ZNF69: variants seen among roughly 807,000 people sequenced by gnomAD.
The protein encoded by ZNF69 is zinc finger protein 69, also known as ZNF3.
A neutral mutation model predicts 50.9 loss-of-function variants in ZNF69; 47 were observed. The ratio of observed to expected loss-of-function variants is 0.92; its 90% CI spans 0.73 to 1.18. ZNF69 has a LOEUF of 1.18. Ranked by LOEUF, ZNF69 falls within the 50% of genes most tolerant of loss-of-function variation. The pLI is 0.00. For synonymous variants in ZNF69, 216 were observed against 223.1 expected (o/e 0.97, Z 0.29); for missense variants, 717 against 675.1 (o/e 1.06, Z -0.69).
At chr19:11,938,926 T>C in the ZNF69 span, among the ~76,000 whole-genome samples, 19 of 152,172 alleles carry the variant, frequency 1.2e-4, no homozygotes, top group Non-Finnish European at 2.4e-4. Context: ...TTCTAACTGG[T>C]GTGAGATGGT....
At position 11,887,864 on chromosome 19, in the gene ZNF69, C is replaced by A; in HGVS notation, c.-60C>A. 2 of 1,532,514 alleles carry A rather than the reference C, an allele frequency of 1.3e-6. No individual in the cohort carries two copies. The highest frequency in any genetic ancestry group is 1.7e-4 in the Middle Eastern group (1 of 5,832). 94.9% of individuals were successfully genotyped at this position (1,532,514 alleles called of 1,614,324 possible). On this transcript the variant is annotated 5_prime_UTR_variant, in exon 1 of 4. Transcript: ENST00000429654. ...GGGCTGCGGCTGGGATCCGGTCTTT[C>A]CAGCCCCGAGAGGGACCTGGTTCCT...
the ZNF69 span, among the ~76,000 whole-genome samples, chr19:11,919,929 C>G: frequency 1.3e-5 from 2 of 152,196 alleles, no homozygotes; most frequent in Non-Finnish European, 1.5e-5. Context: ...AGAGTCCTCA[C>G]ATAAATCATA....
the ZNF69 span, among the ~76,000 whole-genome samples, chr19:11,938,928 T>TCTCATATC: frequency 1.3e-5 from 2 of 152,190 alleles, no homozygotes; most frequent in Non-Finnish European, 2.9e-5. Flanking sequence ...CTAACTGGTG[T>TCTCATATC]GAGATGGTAT....
the ZNF69 span, chr19:11,947,234 A>G: frequency 6.2e-7 from 1 of 1,614,094 alleles, no homozygotes; most frequent in South Asian, 1.1e-5. Context: ...AAGAGTGGAC[A>G]TTGCTGGATA....
At position 11,904,646 on chromosome 19, in the gene ZNF69, C is replaced by T. The variant is rs1351155161; in HGVS notation, c.252-3C>T. On this transcript the variant is annotated splice_polypyrimidine_tract_variant and splice_region_variant and intron_variant, in intron 3 of 3. Transcript: ENST00000429654. ...TTTGTAATGTGCTTCTCATTTTTGA[C>T]AGGAGTCTCATAGAAAAGAAAGTCA... 6.2e-7 allele frequency: 1 copy of T among 1,608,192 alleles called. No individual in the cohort carries two copies. Among genetic ancestry groups the T allele is most frequent in the Non-Finnish European group, 8.5e-7 (1 of 1,178,726 alleles).
At chr19:11,972,002 C>T in the ZNF69 span, among the ~76,000 whole-genome samples, 6 of 150,676 alleles carry the variant, frequency 4.0e-5, no homozygotes, top group African/African-American at 9.8e-5. Flanking sequence ...ACAGAGATTG[C>T]AGTGAGCCAA....
the ZNF69 span, chr19:11,950,107 G>T: frequency 1.2e-6 from 2 of 1,614,114 alleles, no homozygotes; most frequent in Non-Finnish European, 1.7e-6. Flanking sequence ...TCAAATACAT[G>T]CAAGAACACA....
chr19:11,949,160 C>A, the ZNF69 span: 1 of 1,611,386 alleles, frequency 6.2e-7, no homozygotes, highest in Admixed American at 1.7e-5. Flanking sequence ...TCATTTCAAA[C>A]ACATGAAAAA....
chr19:11,928,667 G>A, the ZNF69 span, among the ~76,000 whole-genome samples: 1 of 146,054 alleles, frequency 6.8e-6, no homozygotes, highest in African/African-American at 2.7e-5. Context: ...GGGAGGCGGA[G>A]CTTGCAGTGA....
chr19:11,964,571 G>A, the ZNF69 span, among the ~76,000 whole-genome samples: 8 of 152,188 alleles, frequency 5.3e-5, no homozygotes, highest in Non-Finnish European at 8.8e-5. Flanking sequence ...GGATGGGGGT[G>A]TGTGAGCAAG....
the ZNF69 span, among the ~76,000 whole-genome samples, chr19:11,964,531 A>G: frequency 6.6e-6 from 1 of 152,164 alleles, no homozygotes; most frequent in Non-Finnish European, 1.5e-5. Context: ...AAGATCTGGA[A>G]GCAGGGAGCA....
In ZNF69 at chr19:11,905,778, A is replaced by G; in HGVS notation, c.1381A>G (p.Ser461Gly). The stretch of plus-strand genomic sequence containing the variant: ...CTTCAGATCTATGAAGAACCTTCAA[A>G]GTCATGAAAGGACACAAACACACGT... ...KAFRSMKNLQ[S>G]HERTQTHVRI... The change falls in exon 4 of 4, where the codon AGT becomes GGT. Residue 461 changes from serine (S) to glycine (G), a missense_variant. Physicochemically the swap from Ser to Gly is moderately conservative, Grantham distance 56. Transcript: ENST00000429654. The G allele has an allele frequency of 6.2e-7, 1 of 1,613,502 alleles. No homozygotes were observed. Among genetic ancestry groups the G allele is most frequent in the Non-Finnish European group, 8.5e-7 (1 of 1,179,922 alleles).
chr19:11,965,710 A>G, the ZNF69 span, among the ~76,000 whole-genome samples: 1 of 152,258 alleles, frequency 6.6e-6, no homozygotes. Flanking sequence ...TGAAAAAGCC[A>G]AACAATGTAA....
chr19:11,902,507 G>A (rs1164988116), intron 1 of ZNF69, among the ~76,000 whole-genome samples: 1 of 151,818 alleles, frequency 6.6e-6, no homozygotes, highest in Non-Finnish European at 1.5e-5. Flanking sequence ...TATTTTTTAG[G>A]AATGTCCCCT....
the ZNF69 span, among the ~76,000 whole-genome samples, chr19:11,963,251 G>A: frequency 6.6e-6 from 1 of 152,066 alleles, no homozygotes; most frequent in Non-Finnish European, 1.5e-5. Flanking sequence ...CACCTCTCCA[G>A]GCTAATTCTA....
chr19:11,967,837 GACTAA>G, the ZNF69 span, among the ~76,000 whole-genome samples: 6 of 152,238 alleles, frequency 3.9e-5, no homozygotes. Context: ...TCTATGTAAA[GACTAA>G]ACTAAGCTGT....
chr19:11,961,549 G>A, the ZNF69 span: 4 of 152,346 alleles, frequency 2.6e-5, no homozygotes, highest in African/African-American at 9.6e-5. Context: ...TGTGAGAATA[G>A]GTTTGCTTCA....
the ZNF69 span, among the ~76,000 whole-genome samples, chr19:11,934,211 A>C: frequency 6.8e-6 from 1 of 147,836 alleles, no homozygotes; most frequent in Admixed American, 6.6e-5. Context: ...ACCTTGTTTG[A>C]GTCTAGTTTT....
the ZNF69 span, among the ~76,000 whole-genome samples, chr19:11,943,512 T>G: frequency 2.0e-5 from 3 of 152,206 alleles, no homozygotes. Context: ...TAGCTATTTT[T>G]TTTACTTCTA....
Sources: gnomAD v4.1 joint callset for allele counts (sites outside exome capture counted in the v4.1 genomes callset) on GRCh38, gnomAD v4.1.1 for gene constraint, MANE v1.5 for transcripts, NCBI Gene and HGNC (gene_info 2026-07-23, HGNC 2026-07-21) for gene names.